The following KLB variants were observed in gnomAD, a reference collection of about 807,000 sequenced individuals.
KLB encodes the protein beta-klotho.
Under a neutral mutation model 88.4 loss-of-function variants are expected in KLB, and 44 were observed. That is an observed-to-expected ratio of 0.50 (90% CI 0.39 to 0.64). KLB has a LOEUF of 0.64. Ranked by LOEUF, KLB falls within the 30% of genes least tolerant of loss-of-function variation. KLB has a pLI of 0.00. For synonymous variants in KLB, 548 were observed against 513.4 expected, an observed-to-expected ratio of 1.07 and a Z score of -0.91; for missense variants, 1,137 against 1,304.8, an observed-to-expected ratio of 0.87 and a Z score of 1.98.
intron 1 of KLB, among the ~76,000 whole-genome samples, chr4:39,417,307 TG>T (rs1330296022): frequency 6.6e-6 from 1 of 151,328 alleles, no homozygotes; most frequent in African/African-American, 2.4e-5. Context: ...AGTGGTTTTT[TG>T]TTTGTTTGTT....
At chr4:39,436,788 C>T (rs1264676127) in intron 2 of KLB, among the ~76,000 whole-genome samples, 2 of 152,002 alleles carry the variant, frequency 1.3e-5, no homozygotes, top group Non-Finnish European at 2.9e-5. Context: ...TGGCTCACTG[C>T]AATCTCCACC....
intron 1 of KLB, among the ~76,000 whole-genome samples, chr4:39,419,729 T>G (rs1474665672): frequency 1.4e-5 from 2 of 142,452 alleles, no homozygotes; most frequent in Non-Finnish European, 3.0e-5. Context: ...TGAGCCAAGA[T>G]CGCACCACTG....
At chr4:39,440,586 A>G (rs1743577086) in intron 3 of KLB, among the ~76,000 whole-genome samples, 1 of 152,020 alleles carries the variant, frequency 6.6e-6, no homozygotes, top group African/African-American at 2.4e-5. Flanking sequence ...TTATATTTAT[A>G]TAGTTATTTA....
Position 39,447,373 on chromosome 4 carries a change from A to G in KLB, c.2647A>G (p.Met883Val), listed in dbSNP as rs1197664070. 9 of 1,613,688 alleles carry G rather than the reference A, an allele frequency of 5.6e-6. No individual in the cohort carries two copies. The highest frequency in any genetic ancestry group is 7.6e-6 in the Non-Finnish European group (9 of 1,179,994). ...GTGGGTCCGGAGGAACTACGGCGAC[A>G]TGGACATTTACATCACCGCCAGTGG... is the stretch of plus-strand genomic sequence containing the variant. Reference protein sequence around the residue: ...LRWVRRNYGDMDIYITASGID... With the variant: ...LRWVRRNYGDVDIYITASGID... Residue 883 changes from methionine to valine, a missense_variant, in exon 4 of 5, where the codon ATG becomes GTG. By Grantham distance (21) the Met-to-Val change is conservative. This residue lies in a region of KLB where 426 missense variants were observed against 404.6 expected (regional missense o/e 1.05). Coordinates refer to ENST00000257408, the MANE Select transcript of KLB (RefSeq NM_175737.4).
At chr4:39,430,855 C>T (rs1257881862) in intron 1 of KLB, among the ~76,000 whole-genome samples, 2 of 151,708 alleles carry the variant, frequency 1.3e-5, no homozygotes, top group Non-Finnish European at 2.9e-5. Context: ...AGTGATCTGC[C>T]CACCTCAGCC....
intron 2 of KLB, among the ~76,000 whole-genome samples, chr4:39,437,197 G>C (rs753907785): frequency 6.6e-6 from 1 of 152,168 alleles, no homozygotes; most frequent in Non-Finnish European, 1.5e-5. Context: ...TCAGCCCCCT[G>C]CTCTTTAGCC....
At position 39,448,633 on chromosome 4, in the gene KLB, G is replaced by C; in HGVS notation, c.3082G>C (p.Ala1028Pro). Residue 1028 changes from alanine (A) to proline (P), a missense_variant, in exon 5 of 5, where the codon GCA (alanine) becomes CCA (proline). By Grantham distance (27) the Ala-to-Pro change is conservative. Transcript: ENST00000257408. ...GCAGAAGAGAAGAAAGTTTTGGAAA[G>C]CAAAAAACTTACAACACATACCATT... ...QRQKRRKFWK[A>P]KNLQHIPLKK... is the part of the protein sequence containing the mutation. The C allele has an allele frequency of 6.2e-7, 1 of 1,613,438 alleles. No homozygotes were observed. The highest frequency in any genetic ancestry group is 8.5e-7 in the Non-Finnish European group (1 of 1,179,952).
At chr4:39,430,818 T>A (rs903862627) in intron 1 of KLB, among the ~76,000 whole-genome samples, 25 of 151,722 alleles carry the variant, frequency 1.6e-4, no homozygotes, top group African/African-American at 5.6e-4. Context: ...TTGGCCAAGC[T>A]GGTCTCAAAT....
At chr4:39,427,469 G>A (rs1259041724) in intron 1 of KLB, among the ~76,000 whole-genome samples, 2 of 128,548 alleles carry the variant, frequency 1.6e-5, no homozygotes, top group African/African-American at 5.7e-5. Context: ...GGTGACAGAG[G>A]GAGACTCTGT....
At chr4:39,412,246 A>C (rs1453579751) in intron 1 of KLB, among the ~76,000 whole-genome samples, 1 of 152,176 alleles carries the variant, frequency 6.6e-6, no homozygotes, top group Non-Finnish European at 1.5e-5. Flanking sequence ...GAGAAATATT[A>C]TGAACATTTA....
chr4:39,419,374 A>G (rs9991733), intron 1 of KLB, among the ~76,000 whole-genome samples: 47,687 of 152,052 alleles, frequency 0.31, 8,158 homozygotes, highest in African/African-American at 0.45. Flanking sequence ...AGTGCTGGAC[A>G]TGATGAAACT....
intron 2 of KLB, 73 bp from the exon 3 acceptor site, chr4:39,437,654 T>C: frequency 6.7e-7 from 1 of 1,486,496 alleles, no homozygotes; most frequent in Non-Finnish European, 9.1e-7. Context: ...TCCTCTGGCA[T>C]GTTAGTGAAA....
At chr4:39,435,882 G>C (rs1743461882) in intron 2 of KLB, among the ~76,000 whole-genome samples, 1 of 152,222 alleles carries the variant, frequency 6.6e-6, no homozygotes, top group South Asian at 2.1e-4. Flanking sequence ...TGCTAAAAGA[G>C]GTATGCTTAA....
intron 1 of KLB, among the ~76,000 whole-genome samples, chr4:39,413,619 G>A (rs1197310362): frequency 6.6e-6 from 1 of 151,966 alleles, no homozygotes; most frequent in Non-Finnish European, 1.5e-5. Flanking sequence ...AGCTACTTGG[G>A]AGGATGAGGT....
intron 1 of KLB, among the ~76,000 whole-genome samples, chr4:39,411,426 G>A (rs1742844935): frequency 7.2e-6 from 1 of 139,058 alleles, no homozygotes; most frequent in Admixed American, 8.2e-5. Context: ...TGCAAGCTCC[G>A]CCTCCCAGGT....
rs764241561 is a variant in KLB, at chr4:39,448,447, G to A, written c.2896G>A (p.Gly966Ser). The A allele has an allele frequency of 1.2e-6, 2 of 1,614,076 alleles. No homozygotes were observed. Among genetic ancestry groups the A allele is most frequent in the East Asian group, 2.2e-5 (1 of 44,870 alleles). ...TTACAACAAAGTGATCAGCAGCAGG[G>A]GCTTCCCTTTTGAGAACAGTAGTTC... ...QFYNKVISSRGFPFENSSSRC... is the reference protein window; with the variant it reads ...QFYNKVISSRSFPFENSSSRC... The change falls in exon 5 of 5, where the codon GGC becomes AGC. Residue 966 changes from glycine to serine, a missense_variant. Transcript: ENST00000257408.
In KLB at chr4:39,446,715, C is replaced by T. The variant is rs1482727968; in HGVS notation, c.1989C>T (p.Asn663=). 6.2e-7 allele frequency: 1 copy of T among 1,608,216 alleles called. No individual in the cohort carries two copies. Among genetic ancestry groups the T allele is most frequent in the South Asian group, 1.1e-5 (1 of 90,566 alleles). ...TGTTGCATGCCGACGGGTGGCTGAA[C>T]CCATCGACGGCCGAGGCCTTCCAGG... ...EPLLHADGWL[N]PSTAEAFQAY... The change falls in exon 4 of 5, where the codon AAC becomes AAT. Residue 663 remains asparagine (N), a synonymous_variant. Transcript: ENST00000257408. This position sits in a 1 kb window ranked among gnomAD's most constrained non-coding sequence, Gnocchi z 6.4.
intron 1 of KLB, among the ~76,000 whole-genome samples, chr4:39,433,082 G>A (rs1157305773): frequency 6.6e-6 from 1 of 152,116 alleles, no homozygotes; most frequent in Non-Finnish European, 1.5e-5. Flanking sequence ...GTTTCACCAC[G>A]TTGGCCAGGC....
At chr4:39,418,398 C>G (rs1389479402) in intron 1 of KLB, among the ~76,000 whole-genome samples, 1 of 151,992 alleles carries the variant, frequency 6.6e-6, no homozygotes, top group African/African-American at 2.4e-5. Context: ...AGCCACCGTG[C>G]CAGCTGATTT....
Sources: allele counts gnomAD v4.1 joint callset (sites outside exome capture counted in the v4.1 genomes callset), GRCh38; gene constraint gnomAD v4.1.1; regional missense constraint gnomAD v4.1.1; non-coding constraint Gnocchi (gnomAD v3.1); transcripts MANE v1.5; gene names NCBI Gene and HGNC (gene_info 2026-07-23, HGNC 2026-07-21).